COL4A6: variants seen among roughly 807,000 people sequenced by gnomAD.
The protein encoded by COL4A6 is collagen alpha-6(IV) chain.
A neutral mutation model predicts 126.7 loss-of-function variants in COL4A6; 59 were observed. That is an observed-to-expected ratio of 0.47 (90% CI 0.38 to 0.58). The LOEUF is 0.58. COL4A6 is among the 20% of genes least tolerant of loss of function. The pLI, the probability that COL4A6 is intolerant of heterozygous loss-of-function variation, is 0.00. For synonymous variants in COL4A6, 547 were observed against 496.6 expected, an observed-to-expected ratio of 1.10 and a Z score of -1.35; for missense variants, 1,285 against 1,337.3, an observed-to-expected ratio of 0.96 and a Z score of 0.61.
At chrX:108,181,355 G>T (rs372949997) in intron 23 of COL4A6, among the ~76,000 whole-genome samples, 41 of 112,323 alleles carry the variant, frequency 3.7e-4, no homozygotes, top group African/African-American at 1.2e-3. Context: ...GGGTGTTGGG[G>T]GTTAGTCCTA....
intron 3 of COL4A6, among the ~76,000 whole-genome samples, chrX:108,300,658 T>C (rs540983788): frequency 9.1e-6 from 1 of 109,920 alleles, no homozygotes; most frequent in East Asian, 2.9e-4. Flanking sequence ...AGTCTATCCA[T>C]TTGAGGTTTC....
intron 2 of COL4A6, among the ~76,000 whole-genome samples, chrX:108,421,163 C>CT (rs1350059011): frequency 8.9e-6 from 1 of 111,943 alleles, no homozygotes; most frequent in Non-Finnish European, 1.9e-5. Context: ...TGCTGGCTGT[C>CT]TTTTTGCCAT....
At chrX:108,258,807 A>G (rs2037077817) in intron 3 of COL4A6, among the ~76,000 whole-genome samples, 1 of 111,776 alleles carries the variant, frequency 8.9e-6, no homozygotes, top group Admixed American at 9.5e-5. Flanking sequence ...GGTATTTCTC[A>G]CTTTAGAAAT....
chrX:108,173,440 T>A (rs376165773), intron 31 of COL4A6, among the ~76,000 whole-genome samples: 15 of 108,530 alleles, frequency 1.4e-4, no homozygotes, highest in African/African-American at 5.0e-4. Flanking sequence ...AGTCTAGAAC[T>A]ATTTATTTTC....
intron 2 of COL4A6, among the ~76,000 whole-genome samples, chrX:108,393,090 G>T (rs1303441872): frequency 9.0e-6 from 1 of 111,490 alleles, no homozygotes; most frequent in Admixed American, 9.5e-5. Flanking sequence ...TCTTTAAAAA[G>T]TTTATGTAGA....
At chrX:108,341,658 G>A (rs766407256) in intron 2 of COL4A6, among the ~76,000 whole-genome samples, 6 of 110,505 alleles carry the variant, frequency 5.4e-5, no homozygotes, top group Admixed American at 4.8e-4. Context: ...TATCAGCACC[G>A]TGAAAACAGA....
intron 35 of COL4A6, 41 bp downstream of exon 35, chrX:108,170,568 G>A (rs772795609): frequency 4.6e-6 from 5 of 1,083,815 alleles, no homozygotes; most frequent in Non-Finnish European, 6.4e-6. Flanking sequence ...CTTCATCGAG[G>A]GAAAGACTTT....
chrX:108,272,630 A>T (rs2037484010), intron 3 of COL4A6, among the ~76,000 whole-genome samples: 1 of 111,606 alleles, frequency 9.0e-6, no homozygotes, highest in Non-Finnish European at 1.9e-5. Context: ...CAAAAGCGAG[A>T]TAAGCAGTAG....
intron 2 of COL4A6, among the ~76,000 whole-genome samples, chrX:108,353,694 T>C (rs942435303): frequency 6.3e-5 from 7 of 111,750 alleles, no homozygotes; most frequent in Admixed American, 4.7e-4. Flanking sequence ...ACAGGGCATA[T>C]ACAGGAAATG....
chrX:108,362,055 T>TTGTGTGTG (rs10548613), intron 2 of COL4A6, among the ~76,000 whole-genome samples: 1 of 103,133 alleles, frequency 9.7e-6, no homozygotes, highest in Non-Finnish European at 2.0e-5. Flanking sequence ...TCAAACTAGT[T>TTGTGTGTG]TGTGTGTGTG....
intron 2 of COL4A6, among the ~76,000 whole-genome samples, chrX:108,434,377 G>A (rs988613736): frequency 9.1e-6 from 1 of 109,642 alleles, no homozygotes; most frequent in Non-Finnish European, 1.9e-5. Context: ...ATGATGGTGC[G>A]TCACAGCCTC....
chrX:108,192,609 A>C, intron 17 of COL4A6, 29 bp from the exon 18 acceptor site: 1 of 1,045,429 alleles, frequency 9.6e-7, no homozygotes. Flanking sequence ...AAAATAGTAA[A>C]TAAAGACAGA....
chrX:108,426,443 G>C (rs1036845229), intron 2 of COL4A6, among the ~76,000 whole-genome samples: 1 of 111,622 alleles, frequency 9.0e-6, no homozygotes, highest in African/African-American at 3.3e-5. Context: ...TGGCAAACTA[G>C]CCTTATTGTT....
Position 108,234,992 on chromosome X carries a change from T to C in COL4A6, c.145-13618A>G, listed in dbSNP as rs919849639. Among the ~76,000 whole-genome samples the C allele has an allele frequency of 1.3e-4, 14 of 110,965 alleles. No homozygotes were observed. The East Asian group carries it at 4.0e-3, about 32-fold the overall frequency. ...GGCAGGATGTCAATTGTTAGAAAAGTGTGAAGGCCTACCAATCAGCACTGA... is the reference window on the plus strand; with the variant it reads ...GGCAGGATGTCAATTGTTAGAAAAGCGTGAAGGCCTACCAATCAGCACTGA... On this transcript the variant is annotated intron_variant, in intron 3 of 44. Transcript: ENST00000334504.
chrX:108,429,230 C>T (rs998695287), intron 2 of COL4A6, among the ~76,000 whole-genome samples: 1 of 112,075 alleles, frequency 8.9e-6, no homozygotes, highest in Non-Finnish European at 1.9e-5. Context: ...CAGTGGTTGC[C>T]TAGCGTGCAG....
chrX:108,180,428 A>T (rs989728719), intron 25 of COL4A6, 87 bp downstream of exon 25: 1 of 818,561 alleles, frequency 1.2e-6, no homozygotes, highest in African/African-American at 2.4e-5. Context: ...TTGGCAGAGG[A>T]CTACCACAAC....
intron 8 of COL4A6, among the ~76,000 whole-genome samples, chrX:108,208,151 C>T (rs376268303): frequency 1.6e-4 from 18 of 111,844 alleles, no homozygotes; most frequent in African/African-American, 5.5e-4. Flanking sequence ...TGCCTATGCA[C>T]ATAATAGCAG....
intron 2 of COL4A6, among the ~76,000 whole-genome samples, chrX:108,339,830 C>T (rs190345684): frequency 1.6e-4 from 18 of 111,228 alleles, no homozygotes; most frequent in African/African-American, 5.9e-4. Context: ...CACAGTCTTG[C>T]TTTGGATCTG....
chrX:108,324,678 A>G (rs1057114747), intron 2 of COL4A6, among the ~76,000 whole-genome samples: 1 of 112,365 alleles, frequency 8.9e-6, no homozygotes, highest in Non-Finnish European at 1.9e-5. Flanking sequence ...TCTGTGATTC[A>G]AACAACAAAT....
Sources: gnomAD v4.1 joint callset for allele counts (sites outside exome capture counted in the v4.1 genomes callset) on GRCh38, gnomAD v4.1.1 for gene constraint, MANE v1.5 for transcripts, NCBI Gene and HGNC (gene_info 2026-07-23, HGNC 2026-07-21) for gene names.